The following KLHDC1 variants were observed in gnomAD, a reference collection of about 807,000 sequenced individuals.
KLHDC1 encodes the protein kelch domain containing 1.
KLHDC1 carries 53 observed loss-of-function variants against 68.3 expected under a neutral mutation model. The observed-to-expected ratio is 0.78, with a 90% CI of 0.62 to 0.98. KLHDC1 has a LOEUF of 0.98. Ranked by LOEUF, KLHDC1 falls within the 50% of genes least tolerant of loss-of-function variation. The pLI, the probability that KLHDC1 is intolerant of heterozygous loss-of-function variation, is 0.00. For missense variants in KLHDC1, 470 were observed against 492.3 expected (o/e 0.95, Z 0.43); for synonymous variants, 148 against 159.0 (o/e 0.93, Z 0.52).
In KLHDC1 at chr14:49,693,345, G is replaced by A. The variant is rs942038812; in HGVS notation, c.96+55G>A. 3 of 1,229,528 alleles carry A rather than the reference G, an allele frequency of 2.4e-6. No homozygotes were observed. The Admixed American group carries it at 1.2e-4, about 48-fold the overall frequency. 76.2% of individuals were successfully genotyped at this position (1,229,528 alleles called of 1,614,324 possible). On this transcript the variant is annotated intron_variant, in intron 1 of 12. Coordinates refer to ENST00000359332, the MANE Select transcript of KLHDC1 (RefSeq NM_172193.3). Reference sequence around the variant, plus strand: ...TCGCGCCGGGAGACCCTCGGCCTGAGCGGACGCAGCGCCCGCCACACCCGC... The same window carrying A: ...TCGCGCCGGGAGACCCTCGGCCTGAACGGACGCAGCGCCCGCCACACCCGC...
rs866272027 is a variant in KLHDC1 at position 49,743,861 on chromosome 14, C to T, written c.1034+56C>T. The stretch of plus-strand genomic sequence containing the variant: ...GCTATGAGTATATGATAATTTCTTT[C>T]TCATTTTTGGGAAGCATTGAAATAT... On this transcript the variant is annotated intron_variant, in intron 12 of 12. Transcript: ENST00000359332. 1.7e-5 allele frequency: 18 copies of T among 1,043,118 alleles called. No homozygotes were observed. In the African/African-American group the frequency reaches 2.5e-4, roughly 14 times the overall value. The allele number at this position is 1,043,118 out of a possible 1,614,324, so 64.6% of individuals were successfully genotyped here.
chr14:49,726,596 TA>T (rs1252781332), intron 6 of KLHDC1, among the ~76,000 whole-genome samples: 3 of 152,212 alleles, frequency 2.0e-5, no homozygotes, highest in East Asian at 3.8e-4. Context: ...AATTCAGAGG[TA>T]CATGCAATTA....
At chr14:49,711,088 G>T (rs1474442557) in intron 4 of KLHDC1, among the ~76,000 whole-genome samples, 1 of 152,130 alleles carries the variant, frequency 6.6e-6, no homozygotes, top group Non-Finnish European at 1.5e-5. Flanking sequence ...TGCCTCCCGG[G>T]TTCAAGCGAT....
intron 12 of KLHDC1, among the ~76,000 whole-genome samples, chr14:49,746,840 T>C (rs575741464): frequency 6.6e-6 from 1 of 152,288 alleles, no homozygotes; most frequent in East Asian, 1.9e-4. Flanking sequence ...ATCCTCCTCT[T>C]GGACCAGAAA....
intron 1 of KLHDC1, among the ~76,000 whole-genome samples, chr14:49,697,244 T>C (rs2139726240): frequency 6.6e-6 from 1 of 152,328 alleles, no homozygotes; most frequent in Admixed American, 6.5e-5. Flanking sequence ...AAGGCCTACT[T>C]TCAATATTGT....
intron 1 of KLHDC1, among the ~76,000 whole-genome samples, chr14:49,693,592 GATTA>G (rs1469010477): frequency 6.6e-6 from 1 of 151,964 alleles, no homozygotes; most frequent in Non-Finnish European, 1.5e-5. Flanking sequence ...GTTACAGCGC[GATTA>G]ATTATTATCC....
intron 10 of KLHDC1, among the ~76,000 whole-genome samples, chr14:49,737,899 G>A (rs1410496716): frequency 2.1e-5 from 3 of 145,542 alleles, no homozygotes; most frequent in Non-Finnish European, 3.0e-5. Context: ...AGGAATCAAA[G>A]TACTCTAAAA....
chr14:49,722,824 C>A (rs1409889064), intron 4 of KLHDC1, among the ~76,000 whole-genome samples: 1 of 152,134 alleles, frequency 6.6e-6, no homozygotes, highest in Non-Finnish European at 1.5e-5. Flanking sequence ...CAGTGGCTCA[C>A]GCCTGTAATC....
Position 49,732,702 on chromosome 14 carries a change from A to G in KLHDC1, c.711-2A>G. 2 of 1,446,294 alleles carry G rather than the reference A, an allele frequency of 1.4e-6. No individual in the cohort carries two copies. The highest frequency in any genetic ancestry group is 1.2e-5 in the South Asian group (1 of 85,926). 89.6% of individuals were successfully genotyped at this position (1,446,294 alleles called of 1,614,324 possible). Reference sequence around the variant, plus strand: ...TAGACTTTCTTTTTCTCCTTGCCACAGGATTACTATTAATGGAGAAAGCCC... The same window carrying G: ...TAGACTTTCTTTTTCTCCTTGCCACGGGATTACTATTAATGGAGAAAGCCC... On this transcript the variant is annotated splice_acceptor_variant, in intron 8 of 12. Coordinates refer to ENST00000359332, the MANE Select transcript of KLHDC1 (RefSeq NM_172193.3). LOFTEE classifies it high-confidence loss of function.
chr14:49,734,492 A>C (rs778467846), intron 9 of KLHDC1, 97 bp from the exon 10 acceptor site: 32 of 640,152 alleles, frequency 5.0e-5, no homozygotes, highest in Non-Finnish European at 7.2e-5. Flanking sequence ...CACTCAGAAA[A>C]GATAGTCATT....
chr14:49,697,045 T>G (rs1273255189), intron 1 of KLHDC1, among the ~76,000 whole-genome samples: 1 of 152,082 alleles, frequency 6.6e-6, no homozygotes, highest in Non-Finnish European at 1.5e-5. Context: ...CACACCATTC[T>G]CCTGCTTCAG....
intron 4 of KLHDC1, among the ~76,000 whole-genome samples, chr14:49,714,449 G>A (rs946020128): frequency 1.3e-5 from 2 of 151,588 alleles, no homozygotes; most frequent in Admixed American, 6.6e-5. Flanking sequence ...CTCGAGCCTG[G>A]GTAACAGAGC....
intron 12 of KLHDC1, chr14:49,750,980 A>G (rs957094711): frequency 1.3e-5 from 2 of 152,234 alleles, no homozygotes; most frequent in Non-Finnish European, 2.9e-5. Context: ...GAGCAGATAT[A>G]AAAATAGATG....
At position 49,693,240 on chromosome 14, in the gene KLHDC1, C is replaced by A. The variant is rs770384211; in HGVS notation, c.46C>A (p.His16Asn). 8 of 1,573,470 alleles carry A rather than the reference C, an allele frequency of 5.1e-6. No individual in the cohort carries two copies. The highest frequency in any genetic ancestry group is 6.9e-6 in the Non-Finnish European group (8 of 1,162,054). ...LFCVAEERSG[H>N]CAVVDGNFLY... ...CTGTGTGGCGGAGGAACGCAGCGGC[C>A]ACTGCGCCGTGGTGGACGGAAACTT... Residue 16 changes from histidine (H) to asparagine (N), a missense_variant, in exon 1 of 13, where the codon CAC (histidine) becomes AAC (asparagine). By Grantham distance (68) the His-to-Asn change is moderately conservative. Transcript: ENST00000359332.
Position 49,732,736 on chromosome 14 carries a change from G to A in KLHDC1, c.743G>A (p.Arg248Gln). 3.1e-6 allele frequency: 5 copies of A among 1,607,936 alleles called. No homozygotes were observed. The highest frequency in any genetic ancestry group is 1.1e-5 in the South Asian group (1 of 90,810). ...ITINGESPKHRSWHTLTPIAD... is the reference protein window; with the variant it reads ...ITINGESPKHQSWHTLTPIAD... ...ATTAATGGAGAAAGCCCAAAACATC[G>A]GTCATGGCATACTTTAACACCTATA... Residue 248 changes from arginine (R) to glutamine (Q), a missense_variant, in exon 9 of 13, where the codon CGG (arginine) becomes CAG (glutamine). Transcript: ENST00000359332.
chr14:49,716,333 T>C (rs1395275631), intron 4 of KLHDC1, among the ~76,000 whole-genome samples: 1 of 152,110 alleles, frequency 6.6e-6, no homozygotes, highest in Non-Finnish European at 1.5e-5. Context: ...ATGATTGCCC[T>C]AGGCAAGGGA....
intron 11 of KLHDC1, among the ~76,000 whole-genome samples, chr14:49,742,901 A>G (rs1889098853): frequency 6.6e-6 from 1 of 151,804 alleles, no homozygotes; most frequent in South Asian, 2.1e-4. Flanking sequence ...CCAGGGCAAC[A>G]TGGTGAAACC....
chr14:49,735,989 T>TG (rs1385356132), intron 10 of KLHDC1, among the ~76,000 whole-genome samples: 1 of 152,104 alleles, frequency 6.6e-6, no homozygotes, highest in Admixed American at 6.6e-5. Flanking sequence ...CACTCCAGCC[T>TG]GGGCAGCAGA....
At chr14:49,743,716 A>G in intron 11 of KLHDC1, 37 bp from the exon 12 acceptor site, 1 of 1,273,406 alleles carries the variant, frequency 7.9e-7, no homozygotes. Flanking sequence ...TGTTATTTTT[A>G]TCAAAAACTT....
Sources: gnomAD v4.1 joint callset for allele counts (sites outside exome capture counted in the v4.1 genomes callset) on GRCh38, gnomAD v4.1.1 for gene constraint, MANE v1.5 for transcripts, NCBI Gene and HGNC (gene_info 2026-07-23, HGNC 2026-07-21) for gene names.